The following CSMD3 variants were observed in gnomAD, a reference collection of about 807,000 sequenced individuals.
CSMD3 encodes CUB and sushi domain-containing protein 3.
CSMD3 carries 177 observed loss-of-function variants against 435.2 expected under a neutral mutation model. That is an observed-to-expected ratio of 0.41 (90% confidence interval 0.36 to 0.46). CSMD3 has a LOEUF of 0.46. Ranked by LOEUF, CSMD3 falls within the 20% of genes least tolerant of loss-of-function variation. The probability of loss-of-function intolerance (pLI) is 0.34; values close to 1 mark genes in which losing one functional copy is unlikely to be tolerated. For missense variants in CSMD3, 4,265 were observed against 4,504.6 expected (o/e 0.95, Z 1.52); for synonymous variants, 1,656 against 1,520.5 (o/e 1.09, Z -2.07).
chr8:112,554,286 G>C (rs556036577), intron 25 of CSMD3, among the ~76,000 whole-genome samples: 1 of 151,884 alleles, frequency 6.6e-6, no homozygotes, highest in Non-Finnish European at 1.5e-5. Context: ...ATATACCCAT[G>C]GAGGGCTAAG....
At chr8:112,939,295 T>G (rs1460191699) in intron 9 of CSMD3, among the ~76,000 whole-genome samples, 2 of 152,066 alleles carry the variant, frequency 1.3e-5, no homozygotes, top group Non-Finnish European at 2.9e-5. Flanking sequence ...CAATGAAGAC[T>G]TTTAAATCTT....
chr8:112,856,727 A>G (rs555052110), intron 11 of CSMD3, among the ~76,000 whole-genome samples: 8 of 152,034 alleles, frequency 5.3e-5, no homozygotes, highest in African/African-American at 1.7e-4. Flanking sequence ...TTTTTAGTAC[A>G]TTTAGAACAC....
In CSMD3 at chr8:113,253,746, G is replaced by A. The variant is rs536332899; in HGVS notation, c.514+24846C>T. Among the ~76,000 whole-genome samples, 253 of 152,032 alleles carry A rather than the reference G, an allele frequency of 1.7e-3. 1 individual carries two copies. Among genetic ancestry groups the A allele is most frequent in the African/African-American group, 5.8e-3 (242 of 41,482 alleles). ...CCCAGCTACTTGGGAGGCTGAGGCA[G>A]GAGAATCACTTGAACTAGGGAGTTG... On this transcript the variant is annotated intron_variant, in intron 3 of 70. Transcript: ENST00000297405.
At chr8:112,720,539 T>C (rs1388671504) in intron 13 of CSMD3, among the ~76,000 whole-genome samples, 1 of 152,186 alleles carries the variant, frequency 6.6e-6, no homozygotes, top group Non-Finnish European at 1.5e-5. Context: ...GTCCTAGGCC[T>C]ATACGGACCC....
At chr8:113,132,976 C>A (rs1011605434) in intron 4 of CSMD3, among the ~76,000 whole-genome samples, 3 of 152,038 alleles carry the variant, frequency 2.0e-5, no homozygotes, top group Non-Finnish European at 4.4e-5. Context: ...TAGCTTAAGT[C>A]ATTATCAGGA....
chr8:112,704,330 A>T (rs1462656682), intron 13 of CSMD3, among the ~76,000 whole-genome samples: 1 of 152,100 alleles, frequency 6.6e-6, no homozygotes, highest in Non-Finnish European at 1.5e-5. Flanking sequence ...CTGTGATAAA[A>T]AACTATGCTT....
At chr8:113,184,169 C>T (rs181657450) in intron 3 of CSMD3, among the ~76,000 whole-genome samples, 1 of 151,946 alleles carries the variant, frequency 6.6e-6, no homozygotes, top group South Asian at 2.1e-4. Flanking sequence ...TGAAGAGATG[C>T]ATAAGGTGAG....
chr8:113,208,473 T>C (rs2092796092), intron 3 of CSMD3, among the ~76,000 whole-genome samples: 1 of 152,170 alleles, frequency 6.6e-6, no homozygotes. Flanking sequence ...AACTATCTGG[T>C]ACATAATAAC....
intron 53 of CSMD3, among the ~76,000 whole-genome samples, chr8:112,298,732 A>G (rs1820586258): frequency 6.6e-6 from 1 of 152,108 alleles, no homozygotes; most frequent in African/African-American, 2.4e-5. Flanking sequence ...AGTATTCATT[A>G]AGACAAAAAA....
At chr8:113,351,222 T>C (rs553896605) in intron 1 of CSMD3, among the ~76,000 whole-genome samples, 2 of 152,252 alleles carry the variant, frequency 1.3e-5, no homozygotes, top group Non-Finnish European at 2.9e-5. Flanking sequence ...GGAAACTGCA[T>C]GTGAAAGCAC....
At chr8:112,542,162 T>A (rs1319103148) in intron 27 of CSMD3, among the ~76,000 whole-genome samples, 1 of 149,550 alleles carries the variant, frequency 6.7e-6, no homozygotes, top group African/African-American at 2.5e-5. Context: ...TTCAACATTA[T>A]AAAGGCCATA....
chr8:112,797,695 A>C (rs1464507631), intron 13 of CSMD3, among the ~76,000 whole-genome samples: 1 of 151,884 alleles, frequency 6.6e-6, no homozygotes, highest in Non-Finnish European at 1.5e-5. Flanking sequence ...AGAGCATGGT[A>C]ATTATGAAAA....
chr8:112,257,488 T>C (rs1241178620), intron 61 of CSMD3, among the ~76,000 whole-genome samples: 4 of 152,064 alleles, frequency 2.6e-5, no homozygotes, highest in African/African-American at 9.7e-5. Context: ...ACACCAATGA[T>C]AGACAAACAG....
intron 24 of CSMD3, among the ~76,000 whole-genome samples, 173 bp from the exon 25 acceptor site, chr8:112,557,127 T>C (rs971129220): frequency 2.0e-5 from 3 of 151,978 alleles, no homozygotes; most frequent in Admixed American, 6.6e-5. Context: ...CCTTTTTTTT[T>C]CTTGAAAATT....
At chr8:112,529,660 T>C (rs971489637) in intron 27 of CSMD3, among the ~76,000 whole-genome samples, 3 of 151,836 alleles carry the variant, frequency 2.0e-5, no homozygotes, top group African/African-American at 7.3e-5. Context: ...GTAGAGACTC[T>C]AGAATCTCTG....
intron 27 of CSMD3, among the ~76,000 whole-genome samples, chr8:112,543,621 A>G (rs1826885177): frequency 6.6e-6 from 1 of 152,142 alleles, no homozygotes; most frequent in Non-Finnish European, 1.5e-5. Flanking sequence ...CTTACATGCT[A>G]TTGGTGGGAA....
At chr8:112,587,332 C>T in intron 22 of CSMD3, 97 bp from the exon 23 acceptor site, 1 of 902,754 alleles carries the variant, frequency 1.1e-6, no homozygotes, top group Admixed American at 1.8e-5. Flanking sequence ...TTTATTTTAC[C>T]TAAAGCCTAG....
intron 13 of CSMD3, among the ~76,000 whole-genome samples, chr8:112,731,672 T>C (rs1471390862): frequency 6.6e-6 from 1 of 152,106 alleles, no homozygotes; most frequent in Non-Finnish European, 1.5e-5. Context: ...TTTGCCACAG[T>C]GTATTTCAGA....
chr8:113,024,050 C>G (rs528615864), intron 5 of CSMD3, among the ~76,000 whole-genome samples: 44 of 152,220 alleles, frequency 2.9e-4, no homozygotes, highest in Admixed American at 2.1e-3. Flanking sequence ...AATTTATACC[C>G]ATTGACCAAC....
Sources: allele counts gnomAD v4.1 joint callset (sites outside exome capture counted in the v4.1 genomes callset), GRCh38; gene constraint gnomAD v4.1.1; transcripts MANE v1.5; gene names NCBI Gene and HGNC (gene_info 2026-07-23, HGNC 2026-07-21).